The following ZBTB7B variants were observed in gnomAD, a reference collection of about 807,000 sequenced individuals.
ZBTB7B encodes the protein zinc finger and BTB domain-containing protein 7B.
A neutral mutation model predicts 31.0 loss-of-function variants in ZBTB7B; 8 were observed. The ratio of observed to expected loss-of-function variants is 0.26; its 90% CI spans 0.15 to 0.47. ZBTB7B has a LOEUF of 0.47. Among genes scored for constraint, ZBTB7B ranks in the 20% least tolerant of loss-of-function variants. ZBTB7B has a pLI of 0.99. For synonymous variants in ZBTB7B, 261 were observed against 307.3 expected (o/e 0.85, Z 1.58); for missense variants, 494 against 742.4 (o/e 0.67, Z 3.89).
rs1241574262 is a variant in ZBTB7B at position 155,004,098 on chromosome 1, G to A, written c.-7+1155G>A. On this transcript the variant is annotated intron_variant, in intron 1 of 2. Transcript: ENST00000535420. The surrounding 1 kb of genome is among the most constrained non-coding windows in gnomAD (Gnocchi z 4.0). ...GGGGGGCGGGGAGCCTGGGTCCGGA[G>A]CAGGGGAGGGGCAGAGGCGCCGGTG... Among the ~76,000 whole-genome samples, 1 of 152,232 alleles carries A rather than the reference G, an allele frequency of 6.6e-6. No homozygotes were observed. The highest frequency in any genetic ancestry group is 1.5e-5 in the Non-Finnish European group (1 of 68,022).
chr1:155,016,615 C>A lies in ZBTB7B; in HGVS notation c.1550C>A (p.Pro517His), dbSNP rs1659432962. The A allele has an allele frequency of 1.9e-6, 3 of 1,611,580 alleles. No individual in the cohort carries two copies. Among genetic ancestry groups the A allele is most frequent in the Non-Finnish European group, 2.5e-6 (3 of 1,178,536 alleles). The change falls in exon 3 of 3, where the codon CCC (proline) becomes CAC (histidine). Residue 517 changes from proline to histidine, a missense_variant. Physicochemically the swap from Pro to His is moderately conservative, Grantham distance 77 (BLOSUM62 -2). Transcript: ENST00000535420. This position sits in a 1 kb window ranked among gnomAD's most constrained non-coding sequence, Gnocchi z 4.3. ...PTGPPVSTPG[P>H]PDDDEEEGAP... ...GGGCCCCCGGTCTCTACCCCAGGGC[C>A]CCCTGATGACGATGAGGAGGAAGGG...
chr1:155,012,605 C>T (rs79174338), intron 1 of ZBTB7B, among the ~76,000 whole-genome samples: 2 of 151,816 alleles, frequency 1.3e-5, no homozygotes, highest in Non-Finnish European at 1.5e-5. Flanking sequence ...TGCGGACTTA[C>T]GGTGGGAACA....
chr1:155,014,228 G>A (rs943114062), intron 1 of ZBTB7B: 13 of 322,906 alleles, frequency 4.0e-5, no homozygotes, highest in South Asian at 1.1e-4. Flanking sequence ...TCTTTATGAA[G>A]CCTGAACCGG....
intron 1 of ZBTB7B, among the ~76,000 whole-genome samples, chr1:155,005,879 C>T (rs1381605249): frequency 1.3e-5 from 2 of 152,184 alleles, no homozygotes; most frequent in African/African-American, 4.8e-5. Context: ...AACACAGAAG[C>T]GGCCAGGCGC....
rs953898991 is a variant in ZBTB7B at position 155,018,444 on chromosome 1, C to A, written c.*1759C>A. On this transcript the variant is annotated 3_prime_UTR_variant, in exon 3 of 3. Coordinates refer to ENST00000535420, the MANE Select transcript of ZBTB7B (RefSeq NM_001256455.2). ...CCTTAGGGGGAGAGGCACTCCCCCCCTCCTATTCCCTTCCCCCCACCCCAA... is the reference window on the plus strand; with the variant it reads ...CCTTAGGGGGAGAGGCACTCCCCCCATCCTATTCCCTTCCCCCCACCCCAA... The A allele has an allele frequency of 8.1e-7, 1 of 1,237,344 alleles. No homozygotes were observed. The highest frequency in any genetic ancestry group is 1.1e-6 in the Non-Finnish European group (1 of 888,276). 76.6% of individuals were successfully genotyped at this position (1,237,344 alleles called of 1,614,324 possible).
chr1:155,014,180 G>T, intron 1 of ZBTB7B: 1 of 794,732 alleles, frequency 1.3e-6, no homozygotes, highest in Non-Finnish European at 1.5e-6. Flanking sequence ...AAATGACTGA[G>T]GCCAGCTGCC....
intron 1 of ZBTB7B, among the ~76,000 whole-genome samples, chr1:155,007,813 A>G (rs1453644200): frequency 2.0e-5 from 3 of 152,200 alleles, no homozygotes; most frequent in Non-Finnish European, 4.4e-5. Flanking sequence ...GGTGAGGGGC[A>G]GCAGGCCAGC....
In ZBTB7B at chr1:155,004,064, T is replaced by TG. The variant is rs1196480133; in HGVS notation, c.-7+1127dup. On this transcript the variant is annotated intron_variant, in intron 1 of 2. Transcript: ENST00000535420. This position sits in a 1 kb window ranked among gnomAD's most constrained non-coding sequence, Gnocchi z 4.0. The stretch of plus-strand genomic sequence containing the variant: ...GACATGGTGAGACCTCGGGGCGCCC[T>TG]GGGGGGCAGGGGGGCGGGGAGCCTG... Among the ~76,000 whole-genome samples the TG allele has an allele frequency of 6.6e-6, 1 of 151,468 alleles. No individual in the cohort carries two copies. Among genetic ancestry groups the TG allele is most frequent in the African/African-American group, 2.4e-5 (1 of 41,180 alleles).
intron 1 of ZBTB7B, among the ~76,000 whole-genome samples, chr1:155,008,892 C>T (rs1466812215): frequency 6.6e-6 from 1 of 151,960 alleles, no homozygotes. Context: ...GGAACAGCCA[C>T]CCTACCTCCC....
In ZBTB7B at chr1:155,016,467, C is replaced by A. The variant is rs755759609; in HGVS notation, c.1402C>A (p.Pro468Thr). The change falls in exon 3 of 3, where the codon CCA becomes ACA. Residue 468 changes from proline (P) to threonine (T), a missense_variant. Physicochemically the swap from Pro to Thr is conservative, Grantham distance 38. Coordinates refer to ENST00000535420, the MANE Select transcript of ZBTB7B (RefSeq NM_001256455.2). The surrounding 1 kb of genome is among the most constrained non-coding windows in gnomAD (Gnocchi z 4.3). ...RTRRRRKDDAPPHYPPPSTAA... is the reference protein window; with the variant it reads ...RTRRRRKDDATPHYPPPSTAA... ...CCGACGGCGCCGCAAGGACGATGCA[C>A]CACCCCACTACCCACCACCCTCTAC... 1 of 1,614,056 alleles carries A rather than the reference C, an allele frequency of 6.2e-7. No homozygotes were observed. The highest frequency in any genetic ancestry group is 1.1e-5 in the South Asian group (1 of 91,086).
intron 1 of ZBTB7B, among the ~76,000 whole-genome samples, chr1:155,007,966 C>A (rs1048923835): frequency 3.3e-5 from 5 of 152,102 alleles, no homozygotes; most frequent in African/African-American, 1.2e-4. Context: ...AATAAGGGAC[C>A]CCAGGAGTTG....
rs1658394201 is a variant in ZBTB7B, at chr1:155,003,836, C to T, written c.-7+893C>T. Among the ~76,000 whole-genome samples the T allele has an allele frequency of 2.0e-5, 3 of 152,318 alleles. No individual in the cohort carries two copies. The South Asian group carries it at 6.2e-4, about 32-fold the overall frequency. ...CTGCTTTCAATTTCCAGCTTTCTCT[C>T]CCTCCTCCCACCCCATCCCAAGTAA... On this transcript the variant is annotated intron_variant, in intron 1 of 2. Transcript: ENST00000535420. This position sits in a 1 kb window ranked among gnomAD's most constrained non-coding sequence, Gnocchi z 5.8.
At chr1:155,011,021 G>A in intron 1 of ZBTB7B, 1 of 1,534,342 alleles carries the variant, frequency 6.5e-7, no homozygotes, top group Non-Finnish European at 8.7e-7. Flanking sequence ...TAGAGGTAGG[G>A]GCCTTGGAAC....
In ZBTB7B at chr1:155,004,159, A is replaced by C. The variant is rs1204725660; in HGVS notation, c.-7+1216A>C. On this transcript the variant is annotated intron_variant, in intron 1 of 2. Transcript: ENST00000535420. The surrounding 1 kb of genome is among the most constrained non-coding windows in gnomAD (Gnocchi z 4.0). ...CACAGGAAACGAGCGCTGCTGACCT[A>C]GTTTGGGACACCGGAAGTGGGTGCT... Among the ~76,000 whole-genome samples, 1 of 152,118 alleles carries C rather than the reference A, an allele frequency of 6.6e-6. No homozygotes were observed. Among genetic ancestry groups the C allele is most frequent in the Non-Finnish European group, 1.5e-5 (1 of 68,012 alleles).
Position 155,015,457 on chromosome 1 carries a change from G to T in ZBTB7B, c.797G>T (p.Gly266Val), listed in dbSNP as rs768476249. The change falls in exon 2 of 3, where the codon GGT (glycine) becomes GTT (valine). Residue 266 changes from glycine (G) to valine (V), a missense_variant. This residue lies in a region of ZBTB7B where 216 missense variants were observed against 229.3 expected (regional missense o/e 0.94). Coordinates refer to ENST00000535420, the MANE Select transcript of ZBTB7B (RefSeq NM_001256455.2). ...PPTGTASPPE[G>V]PQSYEPYEGE... ...ACAGGAACTGCCTCCCCTCCTGAGG[G>T]TCCCCAGAGCTACGAACCCTATGAG... 8 of 1,591,358 alleles carry T rather than the reference G, an allele frequency of 5.0e-6. No homozygotes were observed. The highest frequency in any genetic ancestry group is 6.9e-6 in the Non-Finnish European group (8 of 1,166,390).
chr1:155,011,071 A>G (rs2102292881), intron 1 of ZBTB7B: 4 of 1,382,796 alleles, frequency 2.9e-6, no homozygotes, highest in Non-Finnish European at 4.0e-6. Context: ...TCCCAGGCCC[A>G]TATCTATTTT....
intron 1 of ZBTB7B, 32 bp from the exon 2 acceptor site, chr1:155,014,623 G>A (rs1470160601): frequency 3.2e-6 from 5 of 1,579,276 alleles, no homozygotes; most frequent in African/African-American, 1.4e-5. Context: ...TGGGCTGAGC[G>A]CTCTTAATCT....
rs1659390977 is a variant in ZBTB7B, at chr1:155,016,165, G to A, written c.1155-55G>A. On this transcript the variant is annotated intron_variant, in intron 2 of 2. Coordinates refer to ENST00000535420, the MANE Select transcript of ZBTB7B (RefSeq NM_001256455.2). The surrounding 1 kb of genome is among the most constrained non-coding windows in gnomAD (Gnocchi z 4.3). Reference sequence around the variant, plus strand: ...AAGGCCAGGGTGGGATGACCAGGAGGAGCCAGGGATCCCATCCTGAACACC... The same window carrying A: ...AAGGCCAGGGTGGGATGACCAGGAGAAGCCAGGGATCCCATCCTGAACACC... The A allele has an allele frequency of 3.2e-6, 5 of 1,556,328 alleles. No individual in the cohort carries two copies. In the South Asian group the frequency reaches 4.7e-5, roughly 15 times the overall value.
At chr1:155,002,332 A>T (rs1212156872), upstream of ZBTB7B, among the ~76,000 whole-genome samples, 2 of 135,996 alleles carry the variant, frequency 1.5e-5, no homozygotes. Flanking sequence ...GGCAGGAGAA[A>T]GGGGGGGGAG....
Sources: gnomAD v4.1 joint callset for allele counts (sites outside exome capture counted in the v4.1 genomes callset) on GRCh38, gnomAD v4.1.1 for gene constraint, gnomAD v4.1.1 regional missense constraint, Gnocchi (gnomAD v3.1) non-coding constraint, MANE v1.5 for transcripts, NCBI Gene and HGNC (gene_info 2026-07-23, HGNC 2026-07-21) for gene names.